Variants in ANKRD46 observed in about 807,000 individuals in gnomAD.
ANKRD46 encodes ankyrin repeat domain 46, also known as ankyrin repeat domain-containing protein 46.
ANKRD46 carries 13 observed loss-of-function variants against 19.8 expected under a neutral mutation model. That is an observed-to-expected ratio of 0.66 (90% CI 0.43 to 1.04). The LOEUF (loss-of-function observed/expected upper bound fraction) is 1.04, where lower values mean the gene tolerates loss of function less well. ANKRD46 is among the 50% of genes least tolerant of loss of function. The pLI, the probability that ANKRD46 is intolerant of heterozygous loss-of-function variation, is 0.00. For missense variants in ANKRD46, 185 were observed against 274.8 expected (o/e 0.67, Z 2.31); for synonymous variants, 91 against 106.9 (o/e 0.85, Z 0.92).
Position 100,527,959 on chromosome 8 carries a change from C to T in ANKRD46, c.356G>A (p.Gly119Glu). The T allele has an allele frequency of 6.2e-7, 1 of 1,611,788 alleles. No homozygotes were observed. Among genetic ancestry groups the T allele is most frequent in the Non-Finnish European group, 8.5e-7 (1 of 1,179,364 alleles). The change falls in exon 4 of 5, where the codon GGA becomes GAA. Residue 119 changes from glycine to glutamate, a missense_variant. By Grantham distance (98) the Gly-to-Glu change is moderately conservative (BLOSUM62 -2). Transcript: ENST00000335659. The surrounding 1 kb of genome is among the most constrained non-coding windows in gnomAD (Gnocchi z 4.0). Reference protein sequence around the residue: ...ATPLVLAKRRGVNKDVIRLLE... With the variant: ...ATPLVLAKRREVNKDVIRLLE... ...CAATCGGATGACATCTTTATTTACT[C>T]CTCTGCGCTTTGCCAGAACTAAAGG...
downstream of ANKRD46, among the ~76,000 whole-genome samples, chr8:100,519,746 C>T (rs1811690916): frequency 6.6e-6 from 1 of 152,130 alleles, no homozygotes; most frequent in South Asian, 2.1e-4. Flanking sequence ...GCATGCTCCA[C>T]AGGTGAGGGG....
chr8:100,528,756 C>T (rs147317866), intron 3 of ANKRD46, among the ~76,000 whole-genome samples: 450 of 152,202 alleles, frequency 3.0e-3, no homozygotes, highest in African/African-American at 0.01. Flanking sequence ...AATTCCTACC[C>T]CATTTTGTCC....
chr8:100,529,736 T>A lies in ANKRD46; in HGVS notation c.98A>T (p.Glu33Val). Residue 33 changes from glutamate (E) to valine (V), a missense_variant, in exon 3 of 5, where the codon GAA (glutamate) becomes GTA (valine). By Grantham distance (121) the Glu-to-Val change is moderately radical. Transcript: ENST00000335659. The surrounding 1 kb of genome is among the most constrained non-coding windows in gnomAD (Gnocchi z 5.8). Reference sequence around the variant, plus strand: ...ACGAATATTTGGGTCAAAGCCACTTTCCAAAAGCCGCTTGGAATAATTAAA... The same window carrying A: ...ACGAATATTTGGGTCAAAGCCACTTACCAAAAGCCGCTTGGAATAATTAAA... ...GDFNYSKRLL[E>V]SGFDPNIRDS... is the part of the protein sequence containing the mutation. The A allele has an allele frequency of 1.9e-6, 3 of 1,614,210 alleles. No homozygotes were observed. Among genetic ancestry groups the A allele is most frequent in the Non-Finnish European group, 2.5e-6 (3 of 1,180,038 alleles).
downstream of ANKRD46, among the ~76,000 whole-genome samples, chr8:100,519,479 G>A (rs1770719167): frequency 1.3e-5 from 2 of 152,238 alleles, no homozygotes; most frequent in South Asian, 2.1e-4. Context: ...TTATGTAAAC[G>A]GGCTTTATGT....
At chr8:100,515,458 T>C (rs1811614936) in intron 5 of ANKRD46, among the ~76,000 whole-genome samples, 1 of 151,820 alleles carries the variant, frequency 6.6e-6, no homozygotes, top group South Asian at 2.1e-4. Context: ...TTAGAGTGAG[T>C]CTCCTGTTGA....
At position 100,521,915 on chromosome 8, in the gene ANKRD46, A is replaced by G; in HGVS notation, c.*640T>C. The G allele has an allele frequency of 1.0e-6, 1 of 983,486 alleles. No individual in the cohort carries two copies. The highest frequency in any genetic ancestry group is 1.1e-4 in the East Asian group (1 of 8,816). 60.9% of individuals were successfully genotyped at this position (983,486 alleles called of 1,614,324 possible). ...GCAAAGCAGTTTACAAAAAGATCAA[A>G]AATTATCCTAAAAACAAATAAATAT... On this transcript the variant is annotated 3_prime_UTR_variant, in exon 5 of 5. Coordinates refer to ENST00000335659, the MANE Select transcript of ANKRD46 (RefSeq NM_001270377.2).
rs1193070217 is a variant in ANKRD46, at chr8:100,525,710, A to G, written c.470+2135T>C. Among the ~76,000 whole-genome samples, 1 of 152,208 alleles carries G rather than the reference A, an allele frequency of 6.6e-6. No individual in the cohort carries two copies. Among genetic ancestry groups the G allele is most frequent in the African/African-American group, 2.4e-5 (1 of 41,452 alleles). On this transcript the variant is annotated intron_variant, in intron 4 of 4. Transcript: ENST00000335659. This position sits in a 1 kb window ranked among gnomAD's most constrained non-coding sequence, Gnocchi z 4.4. ...ATAATGCTGCTATGAACATTCATATATAAGTTTTGTGTGGACATATGTTTC... is the reference window on the plus strand; with the variant it reads ...ATAATGCTGCTATGAACATTCATATGTAAGTTTTGTGTGGACATATGTTTC...
rs937582152 is a variant in ANKRD46, at chr8:100,536,031, G to A, written c.-130-2720C>T. On this transcript the variant is annotated intron_variant, in intron 1 of 4. Transcript: ENST00000335659. This position sits in a 1 kb window ranked among gnomAD's most constrained non-coding sequence, Gnocchi z 4.9. ...GGTCATCTTTGGAGTCATGTGTCTC[G>A]GTGTCAGGTTATTTATGGAAGAACC... 1.1e-4 allele frequency among the ~76,000 whole-genome samples: 16 copies of A among 152,002 alleles called. No individual in the cohort carries two copies. The highest frequency in any genetic ancestry group is 5.2e-4 in the Admixed American group (8 of 15,262).
chr8:100,542,533 A>C (rs1812194727), intron 1 of ANKRD46, among the ~76,000 whole-genome samples: 1 of 152,084 alleles, frequency 6.6e-6, no homozygotes, highest in South Asian at 2.1e-4. Flanking sequence ...TCTTATATCT[A>C]AGGGAGTTGA....
chr8:100,538,069 G>C (rs950622493), intron 1 of ANKRD46, among the ~76,000 whole-genome samples: 62 of 152,198 alleles, frequency 4.1e-4, no homozygotes, highest in Non-Finnish European at 7.2e-4. Context: ...TATACTGGCT[G>C]ACTGCAATGC....
rs977731747 is a variant in ANKRD46, at chr8:100,557,318, G to GCTT, written c.-131+2390_-131+2392dup. 6.6e-6 allele frequency among the ~76,000 whole-genome samples: 1 copy of GCTT among 152,200 alleles called. No individual in the cohort carries two copies. The highest frequency in any genetic ancestry group is 2.4e-5 in the African/African-American group (1 of 41,446). ...CTCAGGCCAAAGGCCACAGGGTCGT[G>GCTT]CTTCACCCTTTCTCTCATAAGCACA... On this transcript the variant is annotated intron_variant, in intron 1 of 4. Transcript: ENST00000335659. The surrounding 1 kb of genome is among the most constrained non-coding windows in gnomAD (Gnocchi z 5.9).
chr8:100,511,995 A>G lies in ANKRD46; in HGVS notation c.637-1356T>C, dbSNP rs1315075955. Among the ~76,000 whole-genome samples, 1 of 152,244 alleles carries G rather than the reference A, an allele frequency of 6.6e-6. No homozygotes were observed. The highest frequency in any genetic ancestry group is 6.5e-5 in the Admixed American group (1 of 15,284). ...AGCCGAGATTGTGCCACTGCACTTCAGCCTGGGTGACACAGTGAGACTCCA... is the reference window on the plus strand; with the variant it reads ...AGCCGAGATTGTGCCACTGCACTTCGGCCTGGGTGACACAGTGAGACTCCA... On this transcript the variant is annotated intron_variant, in intron 5 of 5. Transcript: ENST00000520552. This position sits in a 1 kb window ranked among gnomAD's most constrained non-coding sequence, Gnocchi z 4.1.
Position 100,550,770 on chromosome 8 carries a change from A to T in ANKRD46, c.-131+8941T>A, listed in dbSNP as rs16898568. ...GGCCACCACCCTGTTGCTGTAGCCAAATTCACTGTTGTACGAGGAAATGAG... is the reference window on the plus strand; with the variant it reads ...GGCCACCACCCTGTTGCTGTAGCCATATTCACTGTTGTACGAGGAAATGAG... On this transcript the variant is annotated intron_variant, in intron 1 of 4. Transcript: ENST00000335659. This position sits in a 1 kb window ranked among gnomAD's most constrained non-coding sequence, Gnocchi z 4.4. 4.0e-3 allele frequency: 1,827 copies of T among 452,918 alleles called. 26 individuals carry two copies. The highest frequency in any genetic ancestry group is 0.026 in the African/African-American group (1,281 of 50,102). The allele number at this position is 452,918 out of a possible 1,614,324, so 28.1% of individuals were successfully genotyped here. A position where few individuals can be genotyped will look rare whatever the true frequency, so the allele number is the denominator to read the frequency against.
rs1812061740 is a variant in ANKRD46, at chr8:100,536,174, G to A, written c.-130-2863C>T. Among the ~76,000 whole-genome samples the A allele has an allele frequency of 6.6e-6, 1 of 152,134 alleles. No individual in the cohort carries two copies. On this transcript the variant is annotated intron_variant, in intron 1 of 4. Transcript: ENST00000335659. The surrounding 1 kb of genome is among the most constrained non-coding windows in gnomAD (Gnocchi z 4.9). ...AGGCACTAATAAAAGTGTGAATAAT[G>A]AACCAGTAATCTTTCAAGATTCACT... is the stretch of plus-strand genomic sequence containing the variant.
chr8:100,526,292 G>A lies in ANKRD46; in HGVS notation c.470+1553C>T, dbSNP rs193081814. Among the ~76,000 whole-genome samples the A allele has an allele frequency of 5.3e-5, 8 of 152,224 alleles. 1 individual carries two copies. The highest frequency in any genetic ancestry group is 1.9e-4 in the East Asian group (1 of 5,188). On this transcript the variant is annotated intron_variant, in intron 4 of 4. Transcript: ENST00000335659. ...AAAAGTATATTTCTAATAAAAGGGT[G>A]CCAAGAAACTGGCTATTAACAAAAT...
At position 100,522,364 on chromosome 8, in the gene ANKRD46, T is replaced by C. The variant is rs1811740931; in HGVS notation, c.*191A>G. 2.1e-6 allele frequency: 3 copies of C among 1,412,100 alleles called. No homozygotes were observed. Among genetic ancestry groups the C allele is most frequent in the Admixed American group, 2.9e-5 (1 of 34,348 alleles). 87.5% of individuals were successfully genotyped at this position (1,412,100 alleles called of 1,614,324 possible). A position where few individuals can be genotyped will look rare whatever the true frequency, so the allele number is the denominator to read the frequency against. On this transcript the variant is annotated 3_prime_UTR_variant, in exon 5 of 5. Coordinates refer to ENST00000335659, the MANE Select transcript of ANKRD46 (RefSeq NM_001270377.2). ...AGTCAGAGGTAGCGTTAGGATGCAATATACTTGATCATAGTATGTAGTTAG... is the reference window on the plus strand; with the variant it reads ...AGTCAGAGGTAGCGTTAGGATGCAACATACTTGATCATAGTATGTAGTTAG...
intron 1 of ANKRD46, among the ~76,000 whole-genome samples, chr8:100,538,476 T>C (rs187162518): frequency 3.8e-4 from 58 of 152,284 alleles, no homozygotes; most frequent in African/African-American, 1.4e-3. Flanking sequence ...TATGGAAAGA[T>C]GTGCATAGGT....
At position 100,536,533 on chromosome 8, in the gene ANKRD46, A is replaced by G. The variant is rs1812067489; in HGVS notation, c.-130-3222T>C. ...CTCTGGGGAGACAGTCCTCAGCCATACGGAAGAAAGCTTGCATACAGCACT... is the reference window on the plus strand; with the variant it reads ...CTCTGGGGAGACAGTCCTCAGCCATGCGGAAGAAAGCTTGCATACAGCACT... On this transcript the variant is annotated intron_variant, in intron 1 of 4. Coordinates refer to ENST00000335659, the MANE Select transcript of ANKRD46 (RefSeq NM_001270377.2). This position sits in a 1 kb window ranked among gnomAD's most constrained non-coding sequence, Gnocchi z 4.9. Among the ~76,000 whole-genome samples, 1 of 152,142 alleles carries G rather than the reference A, an allele frequency of 6.6e-6. No homozygotes were observed. The highest frequency in any genetic ancestry group is 2.4e-5 in the African/African-American group (1 of 41,428).
chr8:100,553,034 T>C (rs1423544774), intron 1 of ANKRD46, among the ~76,000 whole-genome samples: 1 of 152,234 alleles, frequency 6.6e-6, no homozygotes, highest in Non-Finnish European at 1.5e-5. Context: ...TGCACTGATA[T>C]TTAACTCTCT....
Sources: gnomAD v4.1 joint callset for allele counts (sites outside exome capture counted in the v4.1 genomes callset) on GRCh38, gnomAD v4.1.1 for gene constraint, Gnocchi (gnomAD v3.1) non-coding constraint, MANE v1.5 for transcripts, NCBI Gene and HGNC (gene_info 2026-07-23, HGNC 2026-07-21) for gene names.